SDHA: variants seen among roughly 807,000 people sequenced by gnomAD.
SDHA encodes succinate dehydrogenase [ubiquinone] flavoprotein subunit, mitochondrial.
In SDHA, 48 loss-of-function variants were observed where a neutral mutation model predicts 78.4. That is an observed-to-expected ratio of 0.61 (90% CI 0.49 to 0.78). The LOEUF is 0.78. SDHA is among the 30% of genes least tolerant of loss of function. SDHA has a pLI of 0.00. For missense variants in SDHA, 680 were observed against 892.7 expected (o/e 0.76, Z 3.04); for synonymous variants, 326 against 353.9 (o/e 0.92, Z 0.88).
At chr5:232,516 C>T (rs1396035403) in intron 7 of SDHA, among the ~76,000 whole-genome samples, 5 of 152,292 alleles carry the variant, frequency 3.3e-5, no homozygotes, top group East Asian at 1.9e-4. Context: ...CCACTGCACC[C>T]GGCCTGTTGT....
chr5:221,357 C>T (rs1734704274), intron 1 of SDHA, among the ~76,000 whole-genome samples: 1 of 152,172 alleles, frequency 6.6e-6, no homozygotes, highest in Non-Finnish European at 1.5e-5. Flanking sequence ...ATTTAGTTCA[C>T]TTAAACTACC....
intron 11 of SDHA, among the ~76,000 whole-genome samples, chr5:242,342 G>A (rs1736195412): frequency 6.6e-6 from 1 of 152,188 alleles, no homozygotes; most frequent in South Asian, 2.1e-4. Flanking sequence ...GCCCACCCAG[G>A]GTGGAAAACC....
At chr5:264,906 G>A in the SDHA span, among the ~76,000 whole-genome samples, 4 of 152,214 alleles carry the variant, frequency 2.6e-5, no homozygotes, top group African/African-American at 9.7e-5. Context: ...TTATGTTAAT[G>A]CTAAAACTAA....
chr5:234,656 T>G, intron 8 of SDHA: 2 of 211,384 alleles, frequency 9.5e-6, no homozygotes, highest in Non-Finnish European at 1.9e-5. Context: ...CATCCTGGAG[T>G]TGCTGTAAAA....
In SDHA at chr5:256,866, A is replaced by G. The variant is rs572764742; in HGVS notation, c.*446A>G. 1.4e-5 allele frequency among the ~76,000 whole-genome samples: 2 copies of G among 147,928 alleles called. No individual in the cohort carries two copies. Among genetic ancestry groups the G allele is most frequent in the East Asian group, 1.9e-4 (1 of 5,144 alleles). On this transcript the variant is annotated 3_prime_UTR_variant, in exon 15 of 15. Transcript: ENST00000264932. ...GAGACAGGATCGGTGCAGTAGTACA[A>G]TCACAGCTCACTGCAGCCTCAAACT...
chr5:232,602 A>G (rs1259415604), intron 7 of SDHA, among the ~76,000 whole-genome samples: 1 of 152,220 alleles, frequency 6.6e-6, no homozygotes, highest in Non-Finnish European at 1.5e-5. Flanking sequence ...TTAGAGCTCC[A>G]CTGCTCATGC....
intron 2 of SDHA, 92 bp downstream of exon 2, chr5:223,660 A>T (rs1033072801): frequency 5.0e-5 from 45 of 894,894 alleles, no homozygotes; most frequent in Non-Finnish European, 8.5e-5. Context: ...AGTCATAGAC[A>T]TAAGGGAAAA....
chr5:253,640 G>T (rs1048931575), intron 13 of SDHA, among the ~76,000 whole-genome samples: 2 of 151,996 alleles, frequency 1.3e-5, no homozygotes, highest in African/African-American at 4.8e-5. Flanking sequence ...TCACCATATT[G>T]GCCGGGCTGG....
chr5:247,365 A>G (rs967817900), intron 11 of SDHA, among the ~76,000 whole-genome samples: 2 of 152,248 alleles, frequency 1.3e-5, no homozygotes, highest in African/African-American at 4.8e-5. Context: ...CACTCACATT[A>G]GGGCTCATAC....
At chr5:253,553 C>T (rs1180012644) in intron 13 of SDHA, among the ~76,000 whole-genome samples, 1 of 151,864 alleles carries the variant, frequency 6.6e-6, no homozygotes, top group Non-Finnish European at 1.5e-5. Context: ...ATTCTCCTGC[C>T]TCAGCCTCCC....
At chr5:262,651 A>C in the SDHA span, among the ~76,000 whole-genome samples, 1 of 152,222 alleles carries the variant, frequency 6.6e-6, no homozygotes, top group Non-Finnish European at 1.5e-5. Flanking sequence ...TGGTGCCAAC[A>C]AGGTTAGGGA....
chr5:218,680 TC>T (rs1734527197), intron 1 of SDHA, among the ~76,000 whole-genome samples: 2 of 152,130 alleles, frequency 1.3e-5, no homozygotes, highest in Admixed American at 6.5e-5. Flanking sequence ...GGGCGTCCCC[TC>T]CGCCGCCTTG....
chr5:254,995 A>C (rs1446941417), intron 14 of SDHA, among the ~76,000 whole-genome samples: 1 of 151,782 alleles, frequency 6.6e-6, no homozygotes, highest in East Asian at 1.9e-4. Context: ...CTGGGCACTG[A>C]GCAAGCAGAG....
At chr5:255,388 G>A (rs1241016783) in intron 14 of SDHA, among the ~76,000 whole-genome samples, 1 of 151,946 alleles carries the variant, frequency 6.6e-6, no homozygotes, top group South Asian at 2.1e-4. Context: ...TCTTGATAGT[G>A]TATAGAAATC....
chr5:259,447 TTA>T, downstream of SDHA, among the ~76,000 whole-genome samples: 1 of 43,128 alleles, frequency 2.3e-5, no homozygotes, highest in African/African-American at 1.7e-4. Flanking sequence ...CGACAGAGCA[TTA>T]CCGTGTGAGC....
At chr5:223,306 T>C (rs1400370667) in intron 1 of SDHA, among the ~76,000 whole-genome samples, 176 bp from the exon 2 acceptor site, 2 of 152,218 alleles carry the variant, frequency 1.3e-5, no homozygotes, top group Non-Finnish European at 2.9e-5. Context: ...AGTCCTTCCT[T>C]GCCCCTTGGG....
intron 1 of SDHA, among the ~76,000 whole-genome samples, chr5:222,350 C>A (rs371913069): frequency 7.4e-6 from 1 of 135,422 alleles, no homozygotes; most frequent in Non-Finnish European, 1.6e-5. Flanking sequence ...TTTTTCTTTT[C>A]TTTTTTTTTT....
rs1285325912 is a variant in SDHA at position 237,486 on chromosome 5, T to G, written c.1432+887T>G. ...AATACCATGTGTGGGAGTGTGAGTCTTACGTGCACTAAGAACGGGGCAGTT... is the reference window on the plus strand; with the variant it reads ...AATACCATGTGTGGGAGTGTGAGTCGTACGTGCACTAAGAACGGGGCAGTT... On this transcript the variant is annotated intron_variant, in intron 10 of 14. Transcript: ENST00000264932. Among the ~76,000 whole-genome samples the G allele has an allele frequency of 4.5e-5, 6 of 133,008 alleles. 1 individual carries two copies. Among genetic ancestry groups the G allele is most frequent in the African/African-American group, 2.2e-4 (6 of 26,918 alleles). The allele number at this position is 133,008 out of a possible 152,430, so 87.3% of individuals were successfully genotyped here.
intron 7 of SDHA, among the ~76,000 whole-genome samples, chr5:232,292 C>G (rs573742863): frequency 6.6e-6 from 1 of 152,224 alleles, no homozygotes; most frequent in South Asian, 2.1e-4. Flanking sequence ...CTCACTGCAG[C>G]CTTTGTCTCC....
Sources: allele counts gnomAD v4.1 joint callset (sites outside exome capture counted in the v4.1 genomes callset), GRCh38; gene constraint gnomAD v4.1.1; transcripts MANE v1.5; gene names NCBI Gene and HGNC (gene_info 2026-07-23, HGNC 2026-07-21).